SLIT2: variants seen among roughly 807,000 people sequenced by gnomAD.
The protein encoded by SLIT2 is slit homolog 2 protein.
Under a neutral mutation model 185.7 loss-of-function variants are expected in SLIT2, and 41 were observed. The observed-to-expected ratio is 0.22, with a 90% CI of 0.17 to 0.29. The LOEUF is 0.29. SLIT2 is among the 10% of genes least tolerant of loss of function. The pLI is 1.00. For synonymous variants in SLIT2, 693 were observed against 680.2 expected, an observed-to-expected ratio of 1.02 and a Z score of -0.29; for missense variants, 1,571 against 1,909.0, an observed-to-expected ratio of 0.82 and a Z score of 3.30.
intron 4 of SLIT2, among the ~76,000 whole-genome samples, chr4:20,390,723 A>G (rs1725341864): frequency 6.6e-6 from 1 of 151,756 alleles, no homozygotes; most frequent in Non-Finnish European, 1.5e-5. Context: ...ATTATTTTTC[A>G]AAGTCATTAT....
At chr4:20,258,115 G>C (rs777978721) in intron 3 of SLIT2, among the ~76,000 whole-genome samples, 176 bp downstream of exon 3, 5 of 151,826 alleles carry the variant, frequency 3.3e-5, no homozygotes, top group Non-Finnish European at 7.4e-5. Flanking sequence ...TGAATAAAAA[G>C]TTCTAACTTG....
At chr4:20,357,257 C>A (rs1722401132) in intron 4 of SLIT2, among the ~76,000 whole-genome samples, 1 of 152,024 alleles carries the variant, frequency 6.6e-6, no homozygotes, top group South Asian at 2.1e-4. Flanking sequence ...AATTTTAAAG[C>A]AAGTACCACT....
intron 4 of SLIT2, among the ~76,000 whole-genome samples, chr4:20,273,632 T>C (rs1713864575): frequency 6.6e-5 from 10 of 152,170 alleles, no homozygotes; most frequent in Admixed American, 6.5e-4. Context: ...AGTGTTTCAG[T>C]AGACATAACA....
chr4:20,288,247 C>T (rs368023302), intron 4 of SLIT2, among the ~76,000 whole-genome samples: 62 of 152,300 alleles, frequency 4.1e-4, no homozygotes, highest in African/African-American at 1.3e-3. Context: ...GGTGGGATTC[C>T]GATCTTGGCT....
At chr4:20,414,306 T>C (rs1227155707) in intron 4 of SLIT2, among the ~76,000 whole-genome samples, 5 of 152,218 alleles carry the variant, frequency 3.3e-5, no homozygotes, top group Non-Finnish European at 7.3e-5. Context: ...GTCATTGTTA[T>C]ACAGATTACA....
chr4:20,563,283 A>G (rs1177615818), intron 26 of SLIT2, among the ~76,000 whole-genome samples: 1 of 151,784 alleles, frequency 6.6e-6, no homozygotes, highest in African/African-American at 2.4e-5. Flanking sequence ...GTTAGTAAAG[A>G]TCTTTATCCC....
At chr4:20,389,373 C>T (rs1040006651) in intron 4 of SLIT2, among the ~76,000 whole-genome samples, 4 of 151,800 alleles carry the variant, frequency 2.6e-5, no homozygotes, top group African/African-American at 7.3e-5. Context: ...CAGGAATTCC[C>T]AGACTCCACT....
At chr4:20,581,043 C>G (rs1560212695) in intron 29 of SLIT2, among the ~76,000 whole-genome samples, 1 of 152,180 alleles carries the variant, frequency 6.6e-6, no homozygotes, top group Non-Finnish European at 1.5e-5. Flanking sequence ...AATTTACTAC[C>G]TGTATTGTTT....
At chr4:20,323,048 C>G (rs1020305164) in intron 4 of SLIT2, among the ~76,000 whole-genome samples, 11 of 152,092 alleles carry the variant, frequency 7.2e-5, no homozygotes, top group African/African-American at 2.7e-4. Context: ...TTTATTATCT[C>G]CATTTTGCAG....
At chr4:20,471,615 T>C (rs1715027907) in intron 5 of SLIT2, among the ~76,000 whole-genome samples, 2 of 152,222 alleles carry the variant, frequency 1.3e-5, no homozygotes, top group South Asian at 4.1e-4. Context: ...TCTGATGCAC[T>C]GTAACAGGTT....
chr4:20,606,048 C>T (rs1314777713), intron 33 of SLIT2, among the ~76,000 whole-genome samples: 1 of 152,116 alleles, frequency 6.6e-6, no homozygotes, highest in Non-Finnish European at 1.5e-5. Context: ...CACGCCTGGC[C>T]CACTGCTTTA....
At chr4:20,490,775 T>C in intron 8 of SLIT2, 3 of 1,481,316 alleles carry the variant, frequency 2.0e-6, no homozygotes, top group Non-Finnish European at 2.7e-6. Flanking sequence ...CTTTTTTCTC[T>C]CTTCACTTTT....
intron 33 of SLIT2, among the ~76,000 whole-genome samples, chr4:20,609,746 G>C (rs763412885): frequency 2.0e-5 from 3 of 152,230 alleles, no homozygotes; most frequent in East Asian, 1.9e-4. Context: ...AGAGAATGTG[G>C]CTGGATGATG....
At chr4:20,355,708 TTA>T (rs1338602579) in intron 4 of SLIT2, among the ~76,000 whole-genome samples, 1 of 152,152 alleles carries the variant, frequency 6.6e-6, no homozygotes, top group Non-Finnish European at 1.5e-5. Context: ...AACCAAAACT[TTA>T]CTTTGTTTCT....
At chr4:20,296,815 T>C (rs780528916) in intron 4 of SLIT2, among the ~76,000 whole-genome samples, 1 of 152,198 alleles carries the variant, frequency 6.6e-6, no homozygotes, top group Non-Finnish European at 1.5e-5. Context: ...GCAGATTTCA[T>C]CAAATAAATT....
intron 17 of SLIT2, 98 bp downstream of exon 17, chr4:20,532,156 T>C (rs1225082821): frequency 1.4e-6 from 1 of 690,644 alleles, no homozygotes; most frequent in African/African-American, 1.8e-5. Context: ...CTAAAAATCC[T>C]GGGAAATTTC....
Position 20,534,942 on chromosome 4 carries a change from T to C in SLIT2, c.1832+1227T>C, listed in dbSNP as rs938660683. ...GACCAGTCTGGGACCTGCTGACCCA[T>C]CCCAAGGGCTAACTTGGTGCCCTTT... On this transcript the variant is annotated intron_variant, in intron 18 of 36. Coordinates refer to ENST00000504154, the MANE Select transcript of SLIT2 (RefSeq NM_004787.4). 5.9e-5 allele frequency among the ~76,000 whole-genome samples: 9 copies of C among 152,160 alleles called. No homozygotes were observed. In the East Asian group the frequency reaches 1.7e-3, roughly 29 times the overall value.
intron 34 of SLIT2, chr4:20,616,663 T>C: frequency 2.5e-6 from 1 of 398,906 alleles, no homozygotes; most frequent in Non-Finnish European, 4.5e-6. Flanking sequence ...ATTTTAAAGA[T>C]TAACCACCAA....
chr4:20,278,100 T>A (rs73803850), intron 4 of SLIT2, among the ~76,000 whole-genome samples: 55 of 152,198 alleles, frequency 3.6e-4, no homozygotes, highest in African/African-American at 1.3e-3. Flanking sequence ...TTAAAAAAAA[T>A]TTACCAGTTT....
Sources: allele counts gnomAD v4.1 joint callset (sites outside exome capture counted in the v4.1 genomes callset), GRCh38; gene constraint gnomAD v4.1.1; transcripts MANE v1.5; gene names NCBI Gene and HGNC (gene_info 2026-07-23, HGNC 2026-07-21).